The following RPS6KC1 variants were observed in gnomAD, a reference collection of about 807,000 sequenced individuals.
RPS6KC1 encodes the protein ribosomal protein S6 kinase C1.
RPS6KC1 carries 54 observed loss-of-function variants against 103.8 expected under a neutral mutation model. The ratio of observed to expected loss-of-function variants is 0.52; its 90% confidence interval spans 0.42 to 0.65. The LOEUF (loss-of-function observed/expected upper bound fraction) is 0.65, where lower values mean the gene tolerates loss of function less well. Ranked by LOEUF, RPS6KC1 falls within the 30% of genes least tolerant of loss-of-function variation. The pLI, the probability that RPS6KC1 is intolerant of heterozygous loss-of-function variation, is 0.00. For synonymous variants in RPS6KC1, 439 were observed against 438.7 expected (o/e 1.00, Z -0.01); for missense variants, 1,151 against 1,253.8 (o/e 0.92, Z 1.24).
the RPS6KC1 span, among the ~76,000 whole-genome samples, chr1:213,382,533 CTTTTTTTT>C: frequency 4.1e-4 from 55 of 134,364 alleles, no homozygotes; most frequent in African/African-American, 1.5e-3. Flanking sequence ...TTCACTCCAT[CTTTTTTTT>C]TTTTTTTTTT....
At chr1:213,222,205 T>C (rs562650663) in intron 8 of RPS6KC1, among the ~76,000 whole-genome samples, 93 of 152,280 alleles carry the variant, frequency 6.1e-4, no homozygotes, top group African/African-American at 2.1e-3. Context: ...TAATCTGCTA[T>C]GTGGGAAGTT....
At chr1:213,684,667 G>T in the RPS6KC1 span, among the ~76,000 whole-genome samples, 12 of 152,252 alleles carry the variant, frequency 7.9e-5, no homozygotes, top group African/African-American at 2.7e-4. Flanking sequence ...AATCAGAGCA[G>T]TCCAGGGCCC....
chr1:213,324,593 C>CTTTTT, the RPS6KC1 span, among the ~76,000 whole-genome samples: 133 of 81,808 alleles, frequency 1.6e-3, 6 homozygotes, highest in East Asian at 6.2e-3. Context: ...GCTCGATATG[C>CTTTTT]TTTTTTTTTT....
intron 1 of RPS6KC1, among the ~76,000 whole-genome samples, chr1:213,059,294 G>T (rs1202589314): frequency 6.6e-6 from 1 of 152,114 alleles, no homozygotes; most frequent in Non-Finnish European, 1.5e-5. Context: ...CTGCCAAAAG[G>T]CATAGTTTTA....
intron 8 of RPS6KC1, among the ~76,000 whole-genome samples, chr1:213,212,209 C>G (rs921741587): frequency 6.6e-6 from 1 of 152,090 alleles, no homozygotes; most frequent in African/African-American, 2.4e-5. Flanking sequence ...TTTCACTACC[C>G]TAAAAATCTC....
At chr1:213,355,614 G>A in the RPS6KC1 span, among the ~76,000 whole-genome samples, 1 of 152,220 alleles carries the variant, frequency 6.6e-6, no homozygotes. Flanking sequence ...AATTATGAAA[G>A]CTTTAATTAC....
At chr1:213,759,707 C>T in the RPS6KC1 span, among the ~76,000 whole-genome samples, 7 of 152,332 alleles carry the variant, frequency 4.6e-5, no homozygotes, top group Admixed American at 6.5e-5. Flanking sequence ...GCCCAGCCTC[C>T]GCAGCTGTAG....
chr1:213,513,512 G>C, the RPS6KC1 span, among the ~76,000 whole-genome samples: 1 of 152,156 alleles, frequency 6.6e-6, no homozygotes, highest in Non-Finnish European at 1.5e-5. Context: ...GCAAAAAATA[G>C]GCACAAAAAG....
chr1:213,555,731 T>C, the RPS6KC1 span, among the ~76,000 whole-genome samples: 1 of 152,262 alleles, frequency 6.6e-6, no homozygotes, highest in African/African-American at 2.4e-5. Context: ...TCCAAGGAGA[T>C]ACTATTTTGG....
chr1:213,192,636 T>A (rs577747012), intron 8 of RPS6KC1, among the ~76,000 whole-genome samples: 1 of 152,300 alleles, frequency 6.6e-6, no homozygotes, highest in East Asian at 1.9e-4. Context: ...GTCAATCTTG[T>A]TTACCTTTTC....
chr1:213,073,779 G>A (rs1291513184), intron 2 of RPS6KC1, among the ~76,000 whole-genome samples: 1 of 152,086 alleles, frequency 6.6e-6, no homozygotes, highest in African/African-American at 2.4e-5. Context: ...GGGCTCAAGT[G>A]ATTCTCCTGC....
At chr1:213,683,224 T>G in the RPS6KC1 span, among the ~76,000 whole-genome samples, 1 of 152,130 alleles carries the variant, frequency 6.6e-6, no homozygotes, top group East Asian at 1.9e-4. Flanking sequence ...ACTGTCGGGG[T>G]CAGGAGTCTC....
chr1:213,142,178 G>A (rs911732572), intron 6 of RPS6KC1, among the ~76,000 whole-genome samples: 1 of 151,644 alleles, frequency 6.6e-6, no homozygotes, highest in Non-Finnish European at 1.5e-5. Flanking sequence ...TTTTTTTTCT[G>A]GAATGAGAAT....
the RPS6KC1 span, among the ~76,000 whole-genome samples, chr1:213,553,692 T>C: frequency 6.6e-6 from 1 of 152,060 alleles, no homozygotes; most frequent in African/African-American, 2.4e-5. Context: ...TCAGCATCTG[T>C]TATTTTTTGA....
At chr1:213,500,132 ATAACT>A in the RPS6KC1 span, among the ~76,000 whole-genome samples, 1,577 of 152,354 alleles carry the variant, frequency 0.01, 27 homozygotes, top group African/African-American at 0.036. Context: ...GACTCTTGTA[ATAACT>A]TAGCTTAAAA....
chr1:213,184,524 TTTC>T (rs2092437187), intron 8 of RPS6KC1, among the ~76,000 whole-genome samples: 1 of 152,080 alleles, frequency 6.6e-6, no homozygotes, highest in Admixed American at 6.5e-5. Context: ...TGATCTTTAT[TTTC>T]TTCTACAAAT....
At chr1:213,120,618 T>C (rs1351171039) in intron 5 of RPS6KC1, among the ~76,000 whole-genome samples, 4 of 152,112 alleles carry the variant, frequency 2.6e-5, no homozygotes, top group Non-Finnish European at 5.9e-5. Flanking sequence ...GCTTGTGTTT[T>C]GGATTTAGAG....
intron 8 of RPS6KC1, among the ~76,000 whole-genome samples, chr1:213,186,963 A>G (rs1235687964): frequency 1.3e-5 from 2 of 152,182 alleles, no homozygotes; most frequent in African/African-American, 4.8e-5. Context: ...GCTTGACTGC[A>G]GTGGCACAAT....
chr1:213,527,572 T>C, the RPS6KC1 span, among the ~76,000 whole-genome samples: 1 of 152,328 alleles, frequency 6.6e-6, no homozygotes, highest in Admixed American at 6.5e-5. Context: ...TTGGAGAATA[T>C]GGAGAGTGCT....
Sources: gnomAD v4.1 joint callset for allele counts (sites outside exome capture counted in the v4.1 genomes callset) on GRCh38, gnomAD v4.1.1 for gene constraint, MANE v1.5 for transcripts, NCBI Gene and HGNC (gene_info 2026-07-23, HGNC 2026-07-21) for gene names.